The following CALN1 variants were observed in gnomAD, a reference collection of about 807,000 sequenced individuals.
CALN1 encodes calcium-binding protein 8.
CALN1 carries 17 observed loss-of-function variants against 30.6 expected under a neutral mutation model. The ratio of observed to expected loss-of-function variants is 0.56; its 90% CI spans 0.38 to 0.83. The LOEUF is 0.83. Among genes scored for constraint, CALN1 ranks in the 40% least tolerant of loss-of-function variants. CALN1 has a pLI of 0.00. For missense variants in CALN1, 291 were observed against 354.9 expected, an observed-to-expected ratio of 0.82 and a Z score of 1.45; for synonymous variants, 156 against 131.4, an observed-to-expected ratio of 1.19 and a Z score of -1.28.
intron 2 of CALN1, among the ~76,000 whole-genome samples, chr7:72,293,650 G>A (rs1276530251): frequency 6.6e-6 from 1 of 152,138 alleles, no homozygotes; most frequent in Non-Finnish European, 1.5e-5. Context: ...AAAGTGACAC[G>A]TTTGGTATTT....
chr7:71,894,469 G>GCCCAGGTTGTTCTCATTATA (rs1793430159), intron 5 of CALN1, among the ~76,000 whole-genome samples: 1 of 152,002 alleles, frequency 6.6e-6, no homozygotes, highest in Non-Finnish European at 1.5e-5. Flanking sequence ...GTCTCGTTAT[G>GCCCAGGTTGTTCTCATTATA]TTGCCCAGGT....
At chr7:72,390,809 T>G (rs903505640) in intron 2 of CALN1, among the ~76,000 whole-genome samples, 4 of 152,230 alleles carry the variant, frequency 2.6e-5, no homozygotes, top group Non-Finnish European at 5.9e-5. Context: ...TGTGTTATTA[T>G]ATCAACACAT....
At chr7:72,101,766 G>T (rs1288817454) in intron 4 of CALN1, among the ~76,000 whole-genome samples, 1 of 152,128 alleles carries the variant, frequency 6.6e-6, no homozygotes, top group Non-Finnish European at 1.5e-5. Context: ...CTTCCAAAGA[G>T]ACTTCCTGCC....
chr7:71,992,015 A>C lies in CALN1; in HGVS notation c.501+31642T>G, dbSNP rs564273266. Among the ~76,000 whole-genome samples, 13 of 152,372 alleles carry C rather than the reference A, an allele frequency of 8.5e-5. No homozygotes were observed. The South Asian group carries it at 2.3e-3, about 27-fold the overall frequency. ...ACCTTTGTTTGTATGATTATAGATT[A>C]TTCTTCTTCCTTACCTGTTAATACA... On this transcript the variant is annotated intron_variant, in intron 5 of 6. Transcript: ENST00000395275.
At chr7:72,428,183 C>T (rs141742482) in intron 1 of CALN1, among the ~76,000 whole-genome samples, 168 of 152,260 alleles carry the variant, frequency 1.1e-3, no homozygotes, top group Non-Finnish European at 1.8e-3. Context: ...TACTTACTTG[C>T]TAAGTTTTAG....
chr7:72,366,120 T>G (rs1023825680), intron 2 of CALN1, among the ~76,000 whole-genome samples: 1 of 151,746 alleles, frequency 6.6e-6, no homozygotes, highest in Non-Finnish European at 1.5e-5. Context: ...GTATGGTACA[T>G]TCCTATAATG....
chr7:72,031,875 G>A lies in CALN1; in HGVS notation c.389-8106C>T, dbSNP rs545772959. ...TCCTGCCTCAGCCTCCCAAGTAGCT[G>A]TGATTACAGGCACCCACCACCATGC... On this transcript the variant is annotated intron_variant, in intron 4 of 6. Coordinates refer to ENST00000395275, the MANE Select transcript of CALN1 (RefSeq NM_031468.4). 8.6e-5 allele frequency among the ~76,000 whole-genome samples: 13 copies of A among 151,360 alleles called. No homozygotes were observed. In the South Asian group the frequency reaches 2.7e-3, roughly 32 times the overall value.
intron 2 of CALN1, among the ~76,000 whole-genome samples, chr7:72,352,450 C>CTAT (rs57241644): frequency 0.32 from 48,394 of 149,074 alleles, 9,499 homozygotes; most frequent in Middle Eastern, 0.52. Context: ...AGAAAACATT[C>CTAT]TATAACCATA....
At chr7:72,334,027 C>G (rs1801842743) in intron 2 of CALN1, among the ~76,000 whole-genome samples, 1 of 152,208 alleles carries the variant, frequency 6.6e-6, no homozygotes, top group South Asian at 2.1e-4. Context: ...AGCCTCAAAC[C>G]GTAACTCTGC....
intron 2 of CALN1, among the ~76,000 whole-genome samples, chr7:72,316,980 A>G (rs1453733019): frequency 1.4e-5 from 2 of 145,556 alleles, no homozygotes. Flanking sequence ...AAGGAAAGGA[A>G]AGGAAAAAAA....
intron 5 of CALN1, among the ~76,000 whole-genome samples, chr7:72,018,777 C>T (rs1413990975): frequency 1.3e-5 from 2 of 152,162 alleles, no homozygotes. Flanking sequence ...TGATTTTATT[C>T]TACCCTTGGC....
intron 5 of CALN1, among the ~76,000 whole-genome samples, chr7:71,894,439 AT>A (rs148294764): frequency 0.11 from 17,131 of 151,844 alleles, 1,416 homozygotes; most frequent in East Asian, 0.43. Context: ...TAATTTTTAA[AT>A]TTTTTTTGTA....
At chr7:71,792,833 G>A (rs1294820917) in intron 6 of CALN1, among the ~76,000 whole-genome samples, 1 of 152,004 alleles carries the variant, frequency 6.6e-6, no homozygotes, top group African/African-American at 2.4e-5. Context: ...GAGGGAGAAA[G>A]TTTTTGCTGA....
At chr7:71,847,726 AAAG>A (rs1231812322) in intron 5 of CALN1, among the ~76,000 whole-genome samples, 1,260 of 110,376 alleles carry the variant, frequency 0.011, 22 homozygotes, top group African/African-American at 0.049. Flanking sequence ...AAAGAAGAAG[AAAG>A]AAGAAAGAAG....
intron 2 of CALN1, among the ~76,000 whole-genome samples, chr7:72,341,649 A>C (rs1370581801): frequency 6.6e-6 from 1 of 152,238 alleles, no homozygotes; most frequent in African/African-American, 2.4e-5. Context: ...CAAAGCTCTC[A>C]TTCTGCCCTC....
chr7:72,060,643 G>A lies in CALN1; in HGVS notation c.389-36874C>T, dbSNP rs190283297. Among the ~76,000 whole-genome samples the A allele has an allele frequency of 5.6e-3, 853 of 152,186 alleles. 3 individuals are homozygous for A. Among genetic ancestry groups the A allele is most frequent in the African/African-American group, 0.02 (811 of 41,518 alleles). ...ATGTGAGCCCCAATGTTGAACTTGG[G>A]GCCTGTGGGAGATGTTGGATCATGG... On this transcript the variant is annotated intron_variant, in intron 4 of 6. Transcript: ENST00000395275.
At chr7:71,992,071 C>G (rs141298022) in intron 5 of CALN1, among the ~76,000 whole-genome samples, 98 of 152,302 alleles carry the variant, frequency 6.4e-4, no homozygotes, top group African/African-American at 2.3e-3. Flanking sequence ...GATGAAAGCA[C>G]ATCAGGGAAG....
chr7:72,097,293 G>A (rs1806302459), intron 4 of CALN1, among the ~76,000 whole-genome samples: 1 of 152,134 alleles, frequency 6.6e-6, no homozygotes, highest in Non-Finnish European at 1.5e-5. Flanking sequence ...ATGTACCCTA[G>A]AACTTAAAGT....
intron 3 of CALN1, among the ~76,000 whole-genome samples, chr7:72,184,372 T>C (rs567765661): frequency 1.5e-4 from 23 of 152,350 alleles, no homozygotes; most frequent in Admixed American, 2.6e-4. Flanking sequence ...GCAGTAATAC[T>C]ACCCTCTCTC....
Sources: gnomAD v4.1 joint callset for allele counts (sites outside exome capture counted in the v4.1 genomes callset) on GRCh38, gnomAD v4.1.1 for gene constraint, MANE v1.5 for transcripts, NCBI Gene and HGNC (gene_info 2026-07-23, HGNC 2026-07-21) for gene names.